MYRIP: variants seen among roughly 807,000 people sequenced by gnomAD.
The protein encoded by MYRIP is myosin VIIA and Rab interacting protein, also known as rab effector MyRIP.
A neutral mutation model predicts 98.0 loss-of-function variants in MYRIP; 49 were observed. The ratio of observed to expected loss-of-function variants is 0.50; its 90% CI spans 0.40 to 0.63. The LOEUF is 0.63. MYRIP is among the 30% of genes least tolerant of loss of function. The pLI, the probability that MYRIP is intolerant of heterozygous loss-of-function variation, is 0.00. For synonymous variants in MYRIP, 404 were observed against 409.5 expected (o/e 0.99, Z 0.16); for missense variants, 1,004 against 1,058.2 (o/e 0.95, Z 0.71).
intron 1 of MYRIP, among the ~76,000 whole-genome samples, chr3:39,837,320 G>T (rs974034655): frequency 6.6e-6 from 1 of 152,154 alleles, no homozygotes; most frequent in Admixed American, 6.6e-5. Context: ...TACTGCTTAA[G>T]TTTTCTTCTA....
chr3:40,159,156 T>C (rs1316859171), intron 4 of MYRIP, among the ~76,000 whole-genome samples: 1 of 152,182 alleles, frequency 6.6e-6, no homozygotes, highest in African/African-American at 2.4e-5. Flanking sequence ...CCATGTTTAG[T>C]GCTTCCTTCA....
intron 1 of MYRIP, among the ~76,000 whole-genome samples, chr3:39,887,127 T>G (rs1407910093): frequency 6.6e-6 from 1 of 151,880 alleles, no homozygotes; most frequent in African/African-American, 2.4e-5. Context: ...AATAAAGATG[T>G]TCTTTGAAAC....
chr3:40,121,887 T>C (rs1376647153), intron 3 of MYRIP, among the ~76,000 whole-genome samples: 1 of 152,148 alleles, frequency 6.6e-6, no homozygotes, highest in Non-Finnish European at 1.5e-5. Flanking sequence ...CAAAAGGAAA[T>C]ACATGTCCCC....
chr3:40,204,401 CA>C (rs1951740093), intron 10 of MYRIP, among the ~76,000 whole-genome samples: 1 of 149,510 alleles, frequency 6.7e-6, no homozygotes, highest in South Asian at 2.1e-4. Flanking sequence ...AGGCTGGCCT[CA>C]AACTCCTGAC....
intron 2 of MYRIP, among the ~76,000 whole-genome samples, chr3:40,011,389 C>T (rs1001173214): frequency 3.3e-5 from 5 of 152,172 alleles, no homozygotes; most frequent in African/African-American, 1.2e-4. Context: ...TTCTTTCCTT[C>T]AGTGACCTAG....
At chr3:40,136,334 C>G (rs1055984291) in intron 3 of MYRIP, among the ~76,000 whole-genome samples, 17 of 152,178 alleles carry the variant, frequency 1.1e-4, no homozygotes, top group African/African-American at 3.6e-4. Flanking sequence ...GAAGAACTAA[C>G]TATCCTAAAT....
chr3:39,947,984 A>T (rs1215796057), intron 2 of MYRIP, among the ~76,000 whole-genome samples: 1 of 152,146 alleles, frequency 6.6e-6, no homozygotes, highest in Non-Finnish European at 1.5e-5. Context: ...CCTGGACAGC[A>T]AGACTTTTGA....
rs1450985343 is a variant in MYRIP at position 40,170,064 on chromosome 3, G to C, written c.844G>C (p.Gly282Arg). The part of the protein sequence containing the change: ...VADEGTSASP[G>R]GYRAPAALWR... ...AGATGAGGGGACCTCAGCATCCCCT[G>C]GAGGCTACCGTGCTCCCGCTGCCCT... is the stretch of plus-strand genomic sequence containing the variant. The change falls in exon 8 of 17, where the codon GGA becomes CGA. Residue 282 changes from glycine (G) to arginine (R), a missense_variant. Around this residue, in one of 3 missense-constraint regions of MYRIP, gnomAD observed 880 missense variants for 907.7 expected, o/e 0.97. Coordinates refer to ENST00000302541, the MANE Select transcript of MYRIP (RefSeq NM_015460.4). The C allele has an allele frequency of 1.9e-6, 3 of 1,614,188 alleles. No individual in the cohort carries two copies. The South Asian group carries it at 3.3e-5, about 18-fold the overall frequency.
chr3:40,235,117 C>T (rs772088752), intron 12 of MYRIP, among the ~76,000 whole-genome samples: 1 of 152,074 alleles, frequency 6.6e-6, no homozygotes, highest in Admixed American at 6.5e-5. Flanking sequence ...GCCTATCACA[C>T]GCCACTCCAA....
intron 2 of MYRIP, among the ~76,000 whole-genome samples, chr3:40,002,737 C>T (rs11925327): frequency 0.084 from 12,796 of 151,778 alleles, 834 homozygotes; most frequent in African/African-American, 0.17. Context: ...CACATACATG[C>T]TATTAAAATA....
intron 1 of MYRIP, among the ~76,000 whole-genome samples, chr3:39,820,926 T>C (rs998444455): frequency 2.0e-5 from 3 of 152,058 alleles, no homozygotes; most frequent in African/African-American, 7.2e-5. Flanking sequence ...CCACTCCCCC[T>C]GCCACCATCC....
At chr3:39,945,129 T>C (rs1421015742) in intron 2 of MYRIP, among the ~76,000 whole-genome samples, 1 of 151,890 alleles carries the variant, frequency 6.6e-6, no homozygotes, top group Non-Finnish European at 1.5e-5. Flanking sequence ...GGTTCACAGA[T>C]AGTCAGGTGT....
At chr3:39,920,921 A>G (rs1290995209) in intron 2 of MYRIP, among the ~76,000 whole-genome samples, 1 of 152,170 alleles carries the variant, frequency 6.6e-6, no homozygotes, top group East Asian at 1.9e-4. Context: ...ATTCTGCTCT[A>G]CTGTGTCATT....
chr3:40,221,918 G>A (rs535783434), intron 11 of MYRIP, among the ~76,000 whole-genome samples: 2 of 152,228 alleles, frequency 1.3e-5, no homozygotes, highest in South Asian at 2.1e-4. Flanking sequence ...TTGGAGATAC[G>A]GGGAGATGGA....
chr3:39,955,375 A>G (rs1366319823), intron 2 of MYRIP, among the ~76,000 whole-genome samples: 1 of 152,190 alleles, frequency 6.6e-6, no homozygotes, highest in Non-Finnish European at 1.5e-5. Flanking sequence ...CCAATATTCA[A>G]CATTCTTAAA....
At chr3:40,088,541 T>C (rs1404329947) in intron 3 of MYRIP, among the ~76,000 whole-genome samples, 1 of 152,288 alleles carries the variant, frequency 6.6e-6, no homozygotes, top group East Asian at 1.9e-4. Flanking sequence ...CAGACCTGAA[T>C]AGATGAGGTT....
At chr3:39,816,547 G>A (rs1473160189) in intron 1 of MYRIP, among the ~76,000 whole-genome samples, 1 of 152,120 alleles carries the variant, frequency 6.6e-6, no homozygotes, top group African/African-American at 2.4e-5. Context: ...AACAGTGCCT[G>A]GCACTTAAGT....
intron 1 of MYRIP, among the ~76,000 whole-genome samples, chr3:39,819,076 C>T (rs1425413622): frequency 3.3e-5 from 5 of 152,116 alleles, no homozygotes; most frequent in African/African-American, 4.8e-5. Flanking sequence ...CAGTGGGGCG[C>T]GGTGGCTGAT....
chr3:40,075,264 CAA>C (rs968025971), intron 3 of MYRIP, among the ~76,000 whole-genome samples: 2 of 152,148 alleles, frequency 1.3e-5, no homozygotes, highest in Non-Finnish European at 2.9e-5. Flanking sequence ...GACCAACTTA[CAA>C]AAGAGTGGCA....
Sources: allele counts gnomAD v4.1 joint callset (sites outside exome capture counted in the v4.1 genomes callset), GRCh38; gene constraint gnomAD v4.1.1; regional missense constraint gnomAD v4.1.1; transcripts MANE v1.5; gene names NCBI Gene and HGNC (gene_info 2026-07-23, HGNC 2026-07-21).